MYO7B: variants seen among roughly 807,000 people sequenced by gnomAD.
MYO7B encodes unconventional myosin-VIIb.
MYO7B carries 212 observed loss-of-function variants against 259.7 expected under a neutral mutation model. That is an observed-to-expected ratio of 0.82 (90% confidence interval 0.73 to 0.91). The LOEUF is 0.91. Ranked by LOEUF, MYO7B falls within the 40% of genes least tolerant of loss-of-function variation. MYO7B has a pLI of 0.00. For missense variants in MYO7B, 2,732 were observed against 2,813.5 expected (o/e 0.97, Z 0.66); for synonymous variants, 1,197 against 1,166.4 (o/e 1.03, Z -0.54).
At chr2:127,581,455 C>T (rs970273433) in intron 10 of MYO7B, among the ~76,000 whole-genome samples, 1 of 152,186 alleles carries the variant, frequency 6.6e-6, no homozygotes, top group Non-Finnish European at 1.5e-5. Flanking sequence ...ACATTAGGTA[C>T]CTTTTGCTAT....
At chr2:127,581,307 A>G (rs913143800) in intron 10 of MYO7B, among the ~76,000 whole-genome samples, 1 of 152,188 alleles carries the variant, frequency 6.6e-6, no homozygotes, top group East Asian at 1.9e-4. Flanking sequence ...CTTGGCTTAA[A>G]GGAAGGGCTG....
intron 20 of MYO7B, among the ~76,000 whole-genome samples, chr2:127,606,795 T>C (rs1390627205): frequency 6.6e-6 from 1 of 152,174 alleles, no homozygotes; most frequent in Non-Finnish European, 1.5e-5. Flanking sequence ...CCCTCAGGGA[T>C]TTGAGTGGCC....
chr2:127,561,682 G>A (rs1156574056), intron 2 of MYO7B, among the ~76,000 whole-genome samples: 1 of 152,164 alleles, frequency 6.6e-6, no homozygotes, highest in East Asian at 1.9e-4. Flanking sequence ...CCTTTCAACA[G>A]ATAAGAAAGT....
At position 127,627,568 on chromosome 2, in the gene MYO7B, G is replaced by T; in HGVS notation, c.4460+258G>T. On this transcript the variant is annotated intron_variant, in intron 33 of 47. Transcript: ENST00000409816. This position sits in a 1 kb window ranked among gnomAD's most constrained non-coding sequence, Gnocchi z 5.6. Reference sequence around the variant, plus strand: ...TTCTCTTTGAAACCCAGGTCCACCCGGAAGGGGCAGGGAAGCGTGCAGCCT... The same window carrying T: ...TTCTCTTTGAAACCCAGGTCCACCCTGAAGGGGCAGGGAAGCGTGCAGCCT... The T allele has an allele frequency of 1.7e-6, 1 of 600,678 alleles. No individual in the cohort carries two copies. The highest frequency in any genetic ancestry group is 3.7e-5 in the East Asian group (1 of 26,868). 37.2% of individuals were successfully genotyped at this position (600,678 alleles called of 1,614,324 possible). A position where few individuals can be genotyped will look rare whatever the true frequency, so the allele number is the denominator to read the frequency against.
chr2:127,605,623 G>A (rs1056096067), intron 19 of MYO7B, among the ~76,000 whole-genome samples: 1 of 152,116 alleles, frequency 6.6e-6, no homozygotes, highest in Non-Finnish European at 1.5e-5. Flanking sequence ...AAAAACACTG[G>A]ACTGTCATCA....
At position 127,576,265 on chromosome 2, in the gene MYO7B, G is replaced by C. The variant is rs569387828; in HGVS notation, c.736-330G>C. ...TGTCAGATCTCTCGTGGGCCACTAAGTGCCTGTGAAGACTGTGGGACTATA... is the reference window on the plus strand; with the variant it reads ...TGTCAGATCTCTCGTGGGCCACTAACTGCCTGTGAAGACTGTGGGACTATA... On this transcript the variant is annotated intron_variant, in intron 7 of 47. Coordinates refer to ENST00000409816, the MANE Select transcript of MYO7B (RefSeq NM_001393586.1). The surrounding 1 kb of genome is among the most constrained non-coding windows in gnomAD (Gnocchi z 4.9). Among the ~76,000 whole-genome samples, 1 of 152,128 alleles carries C rather than the reference G, an allele frequency of 6.6e-6. No homozygotes were observed.
chr2:127,622,587 C>T (rs769668713), intron 28 of MYO7B, among the ~76,000 whole-genome samples: 6 of 150,038 alleles, frequency 4.0e-5, no homozygotes, highest in Non-Finnish European at 8.9e-5. Flanking sequence ...CACCTGCACC[C>T]GGCTCTACAC....
At chr2:127,578,427 C>A in intron 9 of MYO7B, 141 bp downstream of exon 9, 2 of 1,176,674 alleles carry the variant, frequency 1.7e-6, no homozygotes, top group Non-Finnish European at 2.3e-6. Context: ...AAAAATTCAG[C>A]TGTGATTTTG....
chr2:127,619,027 G>A (rs1680703596), intron 26 of MYO7B, among the ~76,000 whole-genome samples: 1 of 148,660 alleles, frequency 6.7e-6, no homozygotes, highest in Non-Finnish European at 1.5e-5. Context: ...GGTTGTGGGG[G>A]CTGGCTGAAT....
At position 127,637,492 on chromosome 2, in the gene MYO7B, A is replaced by C; in HGVS notation, c.*75A>C. On this transcript the variant is annotated 3_prime_UTR_variant, in exon 48 of 48. Coordinates refer to ENST00000409816, the MANE Select transcript of MYO7B (RefSeq NM_001393586.1). ...GGCGGCACCTTCCCAGGCCCTCTCA[A>C]CCCAGGGCCTGTCCTTGGCGGGCAG... 1 of 1,120,490 alleles carries C rather than the reference A, an allele frequency of 8.9e-7. No homozygotes were observed. Among genetic ancestry groups the C allele is most frequent in the Non-Finnish European group, 1.2e-6 (1 of 804,984 alleles). 69.4% of individuals were successfully genotyped at this position (1,120,490 alleles called of 1,614,324 possible). A position where few individuals can be genotyped will look rare whatever the true frequency, so the allele number is the denominator to read the frequency against.
rs962858619 is a variant in MYO7B at position 127,615,251 on chromosome 2, G to C, written c.3398+2648G>C. On this transcript the variant is annotated intron_variant, in intron 26 of 47. Transcript: ENST00000409816. The surrounding 1 kb of genome is among the most constrained non-coding windows in gnomAD (Gnocchi z 4.4). ...GGGTGTTTGCCAGACAGAGGGAAAG[G>C]GTAGACGGGTCACCCGTGACAGACT... is the stretch of plus-strand genomic sequence containing the variant. 2.6e-5 allele frequency among the ~76,000 whole-genome samples: 4 copies of C among 152,142 alleles called. No homozygotes were observed. The highest frequency in any genetic ancestry group is 9.7e-5 in the African/African-American group (4 of 41,430).
chr2:127,550,919 A>T (rs1573610839), intron 1 of MYO7B, among the ~76,000 whole-genome samples: 2 of 152,330 alleles, frequency 1.3e-5, no homozygotes, highest in Middle Eastern at 6.8e-3. Flanking sequence ...GTTATCCCAA[A>T]CTTTAACAGC....
At chr2:127,634,822 TG>T in intron 42 of MYO7B, 139 bp downstream of exon 42, 1 of 854,558 alleles carries the variant, frequency 1.2e-6, no homozygotes, top group Non-Finnish European at 1.9e-6. Flanking sequence ...AACCAGGCCC[TG>T]GGGCCCGGCG....
chr2:127,578,580 G>A (rs896330008), intron 9 of MYO7B, among the ~76,000 whole-genome samples: 11 of 152,172 alleles, frequency 7.2e-5, no homozygotes, highest in Admixed American at 2.6e-4. Flanking sequence ...ACAAATCCAC[G>A]TGTGAACTTG....
In MYO7B at chr2:127,606,732, C is replaced by T. The variant is rs143877472; in HGVS notation, c.2425-474C>T. On this transcript the variant is annotated intron_variant, in intron 20 of 47. Transcript: ENST00000409816. ...ACTGCTGTGGCCCAGGGGATGTTTGCGGCACTGACGTGGTGTTCATCCATT... is the reference window on the plus strand; with the variant it reads ...ACTGCTGTGGCCCAGGGGATGTTTGTGGCACTGACGTGGTGTTCATCCATT... Among the ~76,000 whole-genome samples, 17 of 152,302 alleles carry T rather than the reference C, an allele frequency of 1.1e-4. No homozygotes were observed. In the East Asian group the frequency reaches 1.9e-3, roughly 17 times the overall value.
At chr2:127,623,984 T>G in intron 29 of MYO7B, 109 bp from the exon 30 acceptor site, 3 of 1,053,966 alleles carry the variant, frequency 2.8e-6, no homozygotes, top group Non-Finnish European at 4.0e-6. Flanking sequence ...CACGCTGGGC[T>G]CCAAGGGCCC....
chr2:127,574,930 C>A (rs1678799886), intron 7 of MYO7B, among the ~76,000 whole-genome samples: 1 of 152,194 alleles, frequency 6.6e-6, no homozygotes, highest in East Asian at 1.9e-4. Context: ...CCCACAACAG[C>A]AGAATTAATG....
intron 7 of MYO7B, 59 bp downstream of exon 7, chr2:127,574,121 G>C: frequency 1.2e-6 from 2 of 1,601,982 alleles, no homozygotes; most frequent in Non-Finnish European, 8.5e-7. Flanking sequence ...TTCCAAGAGG[G>C]GCCCCTTTCC....
intron 26 of MYO7B, among the ~76,000 whole-genome samples, chr2:127,617,491 T>G (rs1030064902): frequency 1.6e-5 from 2 of 122,748 alleles, no homozygotes; most frequent in Non-Finnish European, 3.4e-5. Flanking sequence ...AACGGGGTTT[T>G]TTTTTTTTTT....
Sources: allele counts gnomAD v4.1 joint callset (sites outside exome capture counted in the v4.1 genomes callset), GRCh38; gene constraint gnomAD v4.1.1; non-coding constraint Gnocchi (gnomAD v3.1); transcripts MANE v1.5; gene names NCBI Gene and HGNC (gene_info 2026-07-23, HGNC 2026-07-21).